The following CFAP299 variants were observed in gnomAD, a reference collection of about 807,000 sequenced individuals.
The protein encoded by CFAP299 is cilia and flagella associated protein 299.
A neutral mutation model predicts 27.0 loss-of-function variants in CFAP299; 21 were observed. That is an observed-to-expected ratio of 0.78 (90% CI 0.55 to 1.12). The LOEUF is 1.12. CFAP299 is among the 50% of genes most tolerant of loss of function. The pLI is 0.00. For missense variants in CFAP299, 310 were observed against 276.6 expected (o/e 1.12, Z -0.86); for synonymous variants, 104 against 98.1 (o/e 1.06, Z -0.36).
Position 80,903,677 on chromosome 4 carries a change from TA to T in CFAP299, c.476+33543del, listed in dbSNP as rs758235805. 3.9e-5 allele frequency among the ~76,000 whole-genome samples: 6 copies of T among 152,062 alleles called. No individual in the cohort carries two copies. The South Asian group carries it at 6.2e-4, about 16-fold the overall frequency. ...ATATAGATAAATACATAGATGATAA[TA>T]TTTTTTTCAAAACTTGAATTATTCT... is the stretch of plus-strand genomic sequence containing the variant. On this transcript the variant is annotated intron_variant, in intron 4 of 5. Transcript: ENST00000358105.
intron 3 of CFAP299, among the ~76,000 whole-genome samples, chr4:80,589,678 A>G (rs991438547): frequency 6.6e-6 from 1 of 152,214 alleles, no homozygotes; most frequent in African/African-American, 2.4e-5. Context: ...AAATAGTTCA[A>G]TCAATAGGAA....
intron 1 of CFAP299, among the ~76,000 whole-genome samples, chr4:80,356,447 T>C (rs1009925614): frequency 6.6e-6 from 1 of 152,182 alleles, no homozygotes; most frequent in Non-Finnish European, 1.5e-5. Flanking sequence ...TTTCACGACA[T>C]TGATTCTTCC....
chr4:80,929,277 T>C (rs1736459398), intron 4 of CFAP299, among the ~76,000 whole-genome samples: 1 of 151,980 alleles, frequency 6.6e-6, no homozygotes, highest in Non-Finnish European at 1.5e-5. Flanking sequence ...TCATCCGGTC[T>C]CTGGCACCAC....
At chr4:80,785,290 G>T (rs1277428630) in intron 3 of CFAP299, among the ~76,000 whole-genome samples, 1 of 152,018 alleles carries the variant, frequency 6.6e-6, no homozygotes, top group Non-Finnish European at 1.5e-5. Context: ...ATATTGAAGA[G>T]ACTATGATTA....
At position 80,583,061 on chromosome 4, in the gene CFAP299, A is replaced by C. The variant is rs1478598959; in HGVS notation, c.243-32A>C. 5 of 1,405,504 alleles carry C rather than the reference A, an allele frequency of 3.6e-6. No homozygotes were observed. The East Asian group carries it at 1.2e-4, about 33-fold the overall frequency. The allele number at this position is 1,405,504 out of a possible 1,614,324, so 87.1% of individuals were successfully genotyped here. ...GTGTTGGAAACATATTTGTTATCTA[A>C]TATATTATAACTGAAGATCTGCCTT... On this transcript the variant is annotated intron_variant, in intron 2 of 5. Transcript: ENST00000358105.
intron 3 of CFAP299, among the ~76,000 whole-genome samples, chr4:80,627,674 T>C (rs1001801809): frequency 1.3e-5 from 2 of 151,960 alleles, no homozygotes; most frequent in African/African-American, 4.8e-5. Context: ...CATACAACAC[T>C]CGGTAGTGTT....
At chr4:80,574,984 T>G (rs1190926106) in intron 2 of CFAP299, among the ~76,000 whole-genome samples, 1 of 152,086 alleles carries the variant, frequency 6.6e-6, no homozygotes, top group Non-Finnish European at 1.5e-5. Flanking sequence ...GTAGAATGAG[T>G]TTGGAATTAC....
At chr4:80,478,528 G>A (rs1485780751) in intron 2 of CFAP299, among the ~76,000 whole-genome samples, 1 of 151,754 alleles carries the variant, frequency 6.6e-6, no homozygotes, top group Admixed American at 6.6e-5. Flanking sequence ...TGCACATTTT[G>A]AAAAACAATA....
chr4:80,794,167 C>T (rs1727723916), intron 3 of CFAP299, among the ~76,000 whole-genome samples: 2 of 152,320 alleles, frequency 1.3e-5, no homozygotes, highest in Admixed American at 1.3e-4. Context: ...CTGTAACTTG[C>T]TTCTTACCCT....
chr4:80,547,931 T>A (rs776779920), intron 2 of CFAP299, among the ~76,000 whole-genome samples: 29 of 152,308 alleles, frequency 1.9e-4, no homozygotes, highest in Middle Eastern at 3.4e-3. Context: ...CTGGTAAGAA[T>A]GTAAATTAGT....
chr4:80,518,298 A>G (rs1319400861), intron 2 of CFAP299, among the ~76,000 whole-genome samples: 1 of 152,192 alleles, frequency 6.6e-6, no homozygotes, highest in Non-Finnish European at 1.5e-5. Context: ...TAGAGTGGAT[A>G]GCCAGAGCAC....
rs369447668 is a variant in CFAP299 at position 80,870,047 on chromosome 4, A to G, written c.388A>G (p.Ile130Val). 9 of 1,613,808 alleles carry G rather than the reference A, an allele frequency of 5.6e-6. No individual in the cohort carries two copies. Among genetic ancestry groups the G allele is most frequent in the Non-Finnish European group, 7.6e-6 (9 of 1,179,832 alleles). The change falls in exon 4 of 6, where the codon ATC becomes GTC. Residue 130 changes from isoleucine (I) to valine (V), a missense_variant. By Grantham distance (29) the Ile-to-Val change is conservative. Transcript: ENST00000358105. ...NSHGQEISGYIDYAHRLKTED... is the reference protein window; with the variant it reads ...NSHGQEISGYVDYAHRLKTED... ...TCATGGGCAAGAGATATCAGGATAC[A>G]TCGACTATGCCCACAGGCTAAAGAC... is the stretch of plus-strand genomic sequence containing the variant.
intron 2 of CFAP299, among the ~76,000 whole-genome samples, chr4:80,460,625 G>A (rs1024624332): frequency 3.9e-5 from 6 of 152,126 alleles, no homozygotes; most frequent in African/African-American, 1.4e-4. Flanking sequence ...TTATGCGTAA[G>A]AAATAATATT....
intron 2 of CFAP299, among the ~76,000 whole-genome samples, chr4:80,375,311 T>A (rs1724349654): frequency 6.6e-6 from 1 of 152,154 alleles, no homozygotes; most frequent in African/African-American, 2.4e-5. Context: ...ATTGTTCTTG[T>A]ATTCATTATT....
At chr4:80,675,883 A>G (rs1300850526) in intron 3 of CFAP299, among the ~76,000 whole-genome samples, 3 of 152,308 alleles carry the variant, frequency 2.0e-5, no homozygotes, top group East Asian at 3.9e-4. Flanking sequence ...GTTGTTTGCT[A>G]TGATCATTGG....
intron 2 of CFAP299, among the ~76,000 whole-genome samples, chr4:80,445,292 A>G (rs1728567982): frequency 6.6e-6 from 1 of 152,254 alleles, no homozygotes; most frequent in South Asian, 2.1e-4. Context: ...CAACAATGAT[A>G]GAGTGAATAA....
At chr4:80,692,695 T>G (rs1290164072) in intron 3 of CFAP299, among the ~76,000 whole-genome samples, 1 of 151,974 alleles carries the variant, frequency 6.6e-6, no homozygotes, top group Non-Finnish European at 1.5e-5. Flanking sequence ...AATTGACAAA[T>G]GGGATCTAAT....
chr4:80,512,246 A>C (rs201563702), intron 2 of CFAP299, among the ~76,000 whole-genome samples: 1 of 134,954 alleles, frequency 7.4e-6, no homozygotes, highest in African/African-American at 3.3e-5. Context: ...GTGTGTGTGC[A>C]TGTGTGTGTG....
chr4:80,833,990 C>T (rs148765911), intron 3 of CFAP299, among the ~76,000 whole-genome samples: 1 of 152,258 alleles, frequency 6.6e-6, no homozygotes, highest in African/African-American at 2.4e-5. Flanking sequence ...GTGAGGTTTA[C>T]AAGGAGAGAG....
Sources: allele counts gnomAD v4.1 joint callset (sites outside exome capture counted in the v4.1 genomes callset), GRCh38; gene constraint gnomAD v4.1.1; transcripts MANE v1.5; gene names NCBI Gene and HGNC (gene_info 2026-07-23, HGNC 2026-07-21).